The following SLC47A2 variants were observed in gnomAD, a reference collection of about 807,000 sequenced individuals.
SLC47A2 encodes solute carrier family 47 member 2, also known as multidrug and toxin extrusion protein 2.
Under a neutral mutation model 67.7 loss-of-function variants are expected in SLC47A2, and 52 were observed. The observed-to-expected ratio is 0.77, with a 90% confidence interval of 0.61 to 0.97. The LOEUF (loss-of-function observed/expected upper bound fraction) is 0.97, where lower values mean the gene tolerates loss of function less well. SLC47A2 is among the 50% of genes least tolerant of loss of function. The pLI is 0.00. For synonymous variants in SLC47A2, 278 were observed against 292.9 expected, an observed-to-expected ratio of 0.95 and a Z score of 0.52; for missense variants, 676 against 712.3, an observed-to-expected ratio of 0.95 and a Z score of 0.58.
chr17:19,696,004 G>A (rs2085654733), intron 13 of SLC47A2, among the ~76,000 whole-genome samples: 1 of 151,740 alleles, frequency 6.6e-6, no homozygotes, highest in African/African-American at 2.4e-5. Context: ...GATTACAGGT[G>A]TGAGCCACTG....
intron 13 of SLC47A2, among the ~76,000 whole-genome samples, chr17:19,698,170 A>C (rs1454722246): frequency 6.6e-6 from 1 of 152,162 alleles, no homozygotes; most frequent in African/African-American, 2.4e-5. Context: ...GCGATGTTGG[A>C]GGAGTGATAC....
At chr17:19,696,140 G>A (rs2085657733) in intron 13 of SLC47A2, among the ~76,000 whole-genome samples, 1 of 151,752 alleles carries the variant, frequency 6.6e-6, no homozygotes, top group African/African-American at 2.4e-5. Flanking sequence ...AATCCAATAT[G>A]ACTGGTGTCC....
chr17:19,708,172 A>C (rs1780770159), intron 7 of SLC47A2, 130 bp downstream of exon 7: 1 of 1,041,852 alleles, frequency 9.6e-7, no homozygotes. Flanking sequence ...AGGCCCCTCC[A>C]ACTCCCCATA....
intron 4 of SLC47A2, 133 bp from the exon 5 acceptor site, chr17:19,712,878 C>A: frequency 1.3e-6 from 1 of 788,812 alleles, no homozygotes; most frequent in South Asian, 1.7e-5. Context: ...GAAACCTCAG[C>A]ATCAGGGGCT....
Position 19,705,502 on chromosome 17 carries a change from C to T in SLC47A2, c.843G>A (p.Gly281=), listed in dbSNP as rs1409132259. The change falls in exon 10 of 17, where the codon GGG becomes GGA. Residue 281 remains glycine (G), a splice_region_variant and synonymous_variant. Coordinates refer to ENST00000433844, the MANE Select transcript of SLC47A2 (RefSeq NM_001099646.3). ...CAGAGAGATCCACCACACTGAGCAG[C>T]CCTAGAGAAGAGGCCCGCCGTGAGT... ...WAYEIGSFLM[G]LLSVVDLSAQ... 6.2e-7 allele frequency: 1 copy of T among 1,604,444 alleles called. No individual in the cohort carries two copies. Among genetic ancestry groups the T allele is most frequent in the Non-Finnish European group, 8.5e-7 (1 of 1,176,302 alleles).
At chr17:19,713,133 T>G (rs1162685370) in intron 4 of SLC47A2, among the ~76,000 whole-genome samples, 1 of 152,190 alleles carries the variant, frequency 6.6e-6, no homozygotes, top group Non-Finnish European at 1.5e-5. Context: ...CTCATGCCTG[T>G]AATCCCAGCA....
At chr17:19,693,632 T>TAATAAC (rs748006167) in intron 13 of SLC47A2, among the ~76,000 whole-genome samples, 1 of 149,734 alleles carries the variant, frequency 6.7e-6, no homozygotes, top group South Asian at 2.1e-4. Flanking sequence ...ATAATAATAA[T>TAATAAC]AATAAATAAA....
rs149300717 is a variant in SLC47A2, at chr17:19,680,599, C to T, written c.1393-560G>A. Reference sequence around the variant, plus strand: ...ATAGGATTCAGGGTCTTTGAGAGAACACTGCTTCTGTGCTCTGCTTGCAGA... The same window carrying T: ...ATAGGATTCAGGGTCTTTGAGAGAATACTGCTTCTGTGCTCTGCTTGCAGA... On this transcript the variant is annotated intron_variant, in intron 15 of 16. Coordinates refer to ENST00000433844, the MANE Select transcript of SLC47A2 (RefSeq NM_001099646.3). Among the ~76,000 whole-genome samples the T allele has an allele frequency of 3.3e-4, 51 of 152,314 alleles. No individual in the cohort carries two copies. The East Asian group carries it at 6.9e-3, about 21-fold the overall frequency.
chr17:19,692,332 G>C (rs1002884069), intron 13 of SLC47A2: 1 of 420,232 alleles, frequency 2.4e-6, no homozygotes, highest in Admixed American at 3.0e-5. Context: ...GTTAGACATA[G>C]ATTACCAAAA....
At chr17:19,716,270 T>C in intron 1 of SLC47A2, 163 bp downstream of exon 1, 4 of 1,163,152 alleles carry the variant, frequency 3.4e-6, no homozygotes, top group Non-Finnish European at 4.7e-6. Flanking sequence ...AGAGACAGCT[T>C]TCAGGAGCCA....
intron 13 of SLC47A2, among the ~76,000 whole-genome samples, chr17:19,701,292 G>A (rs2085780831): frequency 6.6e-6 from 1 of 152,106 alleles, no homozygotes; most frequent in Non-Finnish European, 1.5e-5. Flanking sequence ...CCCAGAGAGG[G>A]AATTTCTGCT....
At position 19,678,716 on chromosome 17, in the gene SLC47A2, G is replaced by A. The variant is rs71369435; in HGVS notation, c.1671C>T (p.Leu557=). The part of the protein sequence containing the change: ...GAASATLMVG[L]TVRILATRH ...GCCTGGTGGCTAGGATCCTGACCGT[G>A]AGCCCCACCATCAGTGTGGCTGACG... The change falls in exon 17 of 17, where the codon CTC becomes CTT. Residue 557 remains leucine (L), a synonymous_variant. Transcript: ENST00000433844. The A allele has an allele frequency of 4.3e-4, 697 of 1,613,126 alleles. 1 individual carries two copies. The highest frequency in any genetic ancestry group is 5.8e-4 in the Non-Finnish European group (682 of 1,180,018).
intron 5 of SLC47A2, 65 bp from the exon 6 acceptor site, chr17:19,708,825 C>A (rs1392785004): frequency 6.4e-7 from 1 of 1,571,468 alleles, no homozygotes; most frequent in Admixed American, 1.7e-5. Context: ...TGAGCATTAA[C>A]AGACATTCCT....
chr17:19,678,735 G>A lies in SLC47A2; in HGVS notation c.1652C>T (p.Ala551Val). The A allele has an allele frequency of 6.2e-7, 1 of 1,613,762 alleles. No individual in the cohort carries two copies. Among genetic ancestry groups the A allele is most frequent in the South Asian group, 1.1e-5 (1 of 91,056 alleles). The change falls in exon 17 of 17, where the codon GCC becomes GTC. Residue 551 changes from alanine to valine, a missense_variant. Transcript: ENST00000433844. ...GACCGTGAGCCCCACCATCAGTGTG[G>A]CTGACGCCGCCCCCAGAGCAGCCCC... ...RRGAALGAAS[A>V]TLMVGLTVRI...
In SLC47A2 at chr17:19,681,443, A is replaced by G. The variant is rs759738437; in HGVS notation, c.1316T>C (p.Leu439Pro). Residue 439 changes from leucine to proline, a missense_variant, in exon 15 of 17, where the codon CTG becomes CCG. Physicochemically the swap from Leu to Pro is moderately conservative, Grantham distance 98. Transcript: ENST00000433844. ...AGCAGTTGCCAGGAAGACACAGGCC[A>G]GCATGCCCAGCCAGAGGCCTGGAGG... ...MRIMGLWLGM[L>P]ACVFLATAAF... 2.2e-5 allele frequency: 36 copies of G among 1,613,872 alleles called. 1 individual carries two copies. The South Asian group carries it at 3.7e-4, about 17-fold the overall frequency.
chr17:19,702,325 C>T (rs1416024942), intron 13 of SLC47A2: 32 of 985,186 alleles, frequency 3.2e-5, no homozygotes, highest in Non-Finnish European at 3.6e-5. Flanking sequence ...ATGAGGAATC[C>T]GGAAGAAAAA....
chr17:19,681,546 C>A lies in SLC47A2; in HGVS notation c.1289G>T (p.Arg430Ile). 6.2e-7 allele frequency: 1 copy of A among 1,614,228 alleles called. No individual in the cohort carries two copies. The highest frequency in any genetic ancestry group is 8.5e-7 in the Non-Finnish European group (1 of 1,180,046). ...GILLTFVVRM[R>I]IMGLWLGMLA... ...TTCCTCACACCACATACCCATGATT[C>A]TCATTCTGACCACAAAGGTCAGAAG... is the stretch of plus-strand genomic sequence containing the variant. The change falls in exon 14 of 17, where the codon AGA becomes ATA. Residue 430 changes from arginine (R) to isoleucine (I), a missense_variant. Coordinates refer to ENST00000433844, the MANE Select transcript of SLC47A2 (RefSeq NM_001099646.3).
rs998844957 is a variant in SLC47A2, at chr17:19,678,853, A to C, written c.1534T>G (p.Cys512Gly). 2 of 1,609,502 alleles carry C rather than the reference A, an allele frequency of 1.2e-6. No homozygotes were observed. Among genetic ancestry groups the C allele is most frequent in the African/African-American group, 2.7e-5 (2 of 74,830 alleles). ...ITLTTYSRSE[C>G]HVDFFRTPEE... is the part of the protein sequence containing the mutation. Reference sequence around the variant, plus strand: ...GGAGTCCTGAAGAAGTCCACGTGGCACTCAGACCTTGAATACGTTGTCAAG... The same window carrying C: ...GGAGTCCTGAAGAAGTCCACGTGGCCCTCAGACCTTGAATACGTTGTCAAG... Residue 512 changes from cysteine (C) to glycine (G), a missense_variant, in exon 17 of 17, where the codon TGC becomes GGC. Transcript: ENST00000433844.
intron 13 of SLC47A2, chr17:19,702,189 G>C (rs908298613): frequency 2.5e-5 from 25 of 985,232 alleles, no homozygotes; most frequent in Non-Finnish European, 2.9e-5. Flanking sequence ...AGAAAGTCCA[G>C]TTCCTTCTGT....
Sources: gnomAD v4.1 joint callset for allele counts (sites outside exome capture counted in the v4.1 genomes callset) on GRCh38, gnomAD v4.1.1 for gene constraint, MANE v1.5 for transcripts, NCBI Gene and HGNC (gene_info 2026-07-23, HGNC 2026-07-21) for gene names.